The following STARD9 variants were observed in gnomAD, a reference collection of about 807,000 sequenced individuals.
The protein encoded by STARD9 is stAR-related lipid transfer protein 9.
A neutral mutation model predicts 399.8 loss-of-function variants in STARD9; 346 were observed. The observed-to-expected ratio is 0.87, with a 90% CI of 0.79 to 0.95. STARD9 has a LOEUF of 0.95. Among genes scored for constraint, STARD9 ranks in the 40% least tolerant of loss-of-function variants. The pLI is 0.00. For missense variants in STARD9, 5,832 were observed against 5,667.5 expected, an observed-to-expected ratio of 1.03 and a Z score of -0.93; for synonymous variants, 2,203 against 2,143.5, an observed-to-expected ratio of 1.03 and a Z score of -0.77.
Position 42,686,347 on chromosome 15 carries a change from A to G in STARD9, c.4769A>G (p.Tyr1590Cys). 6.5e-7 allele frequency: 1 copy of G among 1,537,528 alleles called. No homozygotes were observed. The highest frequency in any genetic ancestry group is 8.7e-7 in the Non-Finnish European group (1 of 1,146,972). ...AAAGAGGCGAGTTATGACGAAACTTATTCGGCAGACTTAGAATCATTGTCT... is the reference window on the plus strand; with the variant it reads ...AAAGAGGCGAGTTATGACGAAACTTGTTCGGCAGACTTAGAATCATTGTCT... ...SEKEASYDET[Y>C]SADLESLSAS... The change falls in exon 23 of 33, where the codon TAT (tyrosine) becomes TGT (cysteine). Residue 1590 changes from tyrosine to cysteine, a missense_variant. Tyr to Cys is a radical substitution (Grantham distance 194). Around this residue, in one of 2 missense-constraint regions of STARD9, gnomAD observed 5,828 missense variants for 5,651.1 expected, o/e 1.03. Transcript: ENST00000290607.
At chr15:42,652,727 G>C in intron 9 of STARD9, 135 bp downstream of exon 9, 1 of 755,050 alleles carries the variant, frequency 1.3e-6, no homozygotes, top group Admixed American at 2.2e-5. Context: ...CCAGACTGGA[G>C]TGCAGTGGCG....
At chr15:42,632,332 G>C (rs1427530023) in intron 3 of STARD9, among the ~76,000 whole-genome samples, 2 of 151,978 alleles carry the variant, frequency 1.3e-5, no homozygotes, top group African/African-American at 4.8e-5. Flanking sequence ...GTCTTTATAG[G>C]TGAAATGTGT....
At chr15:42,647,503 C>T (rs2059668208) in intron 7 of STARD9, among the ~76,000 whole-genome samples, 1 of 152,128 alleles carries the variant, frequency 6.6e-6, no homozygotes, top group South Asian at 2.1e-4. Flanking sequence ...TTCTTTATCT[C>T]TAATAATGCT....
intron 9 of STARD9, among the ~76,000 whole-genome samples, chr15:42,658,344 T>C (rs1226934191): frequency 6.6e-6 from 1 of 150,982 alleles, no homozygotes; most frequent in African/African-American, 2.4e-5. Context: ...AAAATAACTT[T>C]TGTATTTTTT....
chr15:42,670,757 C>T (rs942620745), intron 16 of STARD9: 2 of 152,130 alleles, frequency 1.3e-5, no homozygotes, highest in Admixed American at 6.5e-5. Context: ...GCTGCTCAGA[C>T]AGAAAATTTA....
Position 42,689,472 on chromosome 15 carries a change from C to T in STARD9, c.7894C>T (p.Pro2632Ser), listed in dbSNP as rs757317531. Residue 2632 changes from proline (P) to serine (S), a missense_variant, in exon 23 of 33, where the codon CCT becomes TCT. Physicochemically the swap from Pro to Ser is moderately conservative, Grantham distance 74. This residue lies in a region of STARD9 where 5,828 missense variants were observed against 5,651.1 expected (regional missense o/e 1.03). Transcript: ENST00000290607. ...TGAAGCAGGGCAGATAGATCTGTTA[C>T]CTGATGAGAGGAAAGTCCAGGCCAC... ...SAEAGQIDLLPDERKVQATSL... is the reference protein window; with the variant it reads ...SAEAGQIDLLSDERKVQATSL... 60 of 1,537,130 alleles carry T rather than the reference C, an allele frequency of 3.9e-5. No homozygotes were observed. Among genetic ancestry groups the T allele is most frequent in the Non-Finnish European group, 5.0e-5 (57 of 1,146,922 alleles).
At chr15:42,626,867 G>T (rs182287151) in intron 3 of STARD9, among the ~76,000 whole-genome samples, 1 of 150,328 alleles carries the variant, frequency 6.7e-6, no homozygotes, top group Non-Finnish European at 1.5e-5. Context: ...TTTTTTTCAA[G>T]ACAGCGTCTC....
intron 1 of STARD9, among the ~76,000 whole-genome samples, chr15:42,581,922 A>T (rs1009333223): frequency 6.6e-6 from 1 of 152,182 alleles, no homozygotes; most frequent in African/African-American, 2.4e-5. Flanking sequence ...AGACTGAGGC[A>T]GGAGAATCGC....
chr15:42,693,026 A>G lies in STARD9; in HGVS notation c.11448A>G (p.Ser3816=), dbSNP rs150784222. The G allele has an allele frequency of 6.5e-6, 10 of 1,537,038 alleles. No individual in the cohort carries two copies. Among genetic ancestry groups the G allele is most frequent in the Non-Finnish European group, 8.7e-6 (10 of 1,146,844 alleles). Residue 3816 remains serine (S), a synonymous_variant, in exon 23 of 33, where the codon TCA becomes TCG. Transcript: ENST00000290607. ...PYKPQSPSIP[S]SHLRFQKAPV... ...AGCCCCAGAGCCCTTCAATACCCTC[A>G]TCCCACTTGAGGTTTCAGAAAGCCC...
chr15:42,652,652 T>TCTTGTCTTC (rs1326576013), intron 9 of STARD9, 60 bp downstream of exon 9: 47 of 1,383,566 alleles, frequency 3.4e-5, no homozygotes, highest in Non-Finnish European at 4.6e-5. Flanking sequence ...TAAACCACTT[T>TCTTGTCTTC]CTTGTCTTCC....
intron 15 of STARD9, among the ~76,000 whole-genome samples, chr15:42,668,521 C>T (rs1244570807): frequency 1.3e-5 from 2 of 152,112 alleles, no homozygotes; most frequent in Admixed American, 6.5e-5. Context: ...CTTAAGGCCT[C>T]TAAGGCTGGG....
In STARD9 at chr15:42,689,547, A is replaced by C. The variant is rs995194081; in HGVS notation, c.7969A>C (p.Arg2657=). 2 of 1,537,176 alleles carry C rather than the reference A, an allele frequency of 1.3e-6. No homozygotes were observed. Among genetic ancestry groups the C allele is most frequent in the Non-Finnish European group, 8.7e-7 (1 of 1,146,908 alleles). The part of the protein sequence containing the change: ...FESLPNTETD[R]EPWDPVQAFS... ...ATCTCTGCCCAATACGGAAACTGAC[A>C]GAGAGCCATGGGATCCTGTGCAGGC... The change falls in exon 23 of 33, where the codon AGA becomes CGA. Residue 2657 remains arginine (R), a synonymous_variant. Coordinates refer to ENST00000290607, the MANE Select transcript of STARD9 (RefSeq NM_020759.3).
chr15:42,594,932 A>G (rs1014496045), intron 3 of STARD9, among the ~76,000 whole-genome samples: 3 of 152,222 alleles, frequency 2.0e-5, no homozygotes, highest in Non-Finnish European at 2.9e-5. Flanking sequence ...GTGATTAGAT[A>G]CTGCTGCCAT....
At position 42,684,239 on chromosome 15, in the gene STARD9, A is replaced by C; in HGVS notation, c.2661A>C (p.Thr887=). The change falls in exon 23 of 33, where the codon ACA becomes ACC. Residue 887 remains threonine (T), a synonymous_variant. Transcript: ENST00000290607. ...LPQAASYPAR[T]GCLRKNGLHS... ...AGGCTGCTTCCTACCCTGCAAGGAC[A>C]GGGTGCCTCCGCAAGAACGGCCTGC... The C allele has an allele frequency of 6.5e-7, 1 of 1,537,288 alleles. No individual in the cohort carries two copies. The highest frequency in any genetic ancestry group is 8.7e-7 in the Non-Finnish European group (1 of 1,146,912).
chr15:42,713,342 C>A (rs1270036402), intron 26 of STARD9, among the ~76,000 whole-genome samples: 1 of 152,112 alleles, frequency 6.6e-6, no homozygotes, highest in Non-Finnish European at 1.5e-5. Context: ...AAAATAGATT[C>A]CTTAAGATAT....
rs1025782605 is a variant in STARD9 at position 42,575,608 on chromosome 15, A to AGGCGCGTGG, written c.-103_-95dup. The stretch of plus-strand genomic sequence containing the variant: ...CGCGTCCGCGCGGCGGCGTCCCCAG[A>AGGCGCGTGG]GGCGCGTGGGGCGGGCGGGGCTGGG... On this transcript the variant is annotated 5_prime_UTR_variant, in exon 1 of 33. Transcript: ENST00000290607. 66 of 1,257,644 alleles carry AGGCGCGTGG rather than the reference A, an allele frequency of 5.2e-5. No individual in the cohort carries two copies. Among genetic ancestry groups the AGGCGCGTGG allele is most frequent in the African/African-American group, 1.1e-4 (7 of 64,718 alleles). 77.9% of individuals were successfully genotyped at this position (1,257,644 alleles called of 1,614,324 possible).
At chr15:42,709,009 T>C (rs893772874) in intron 26 of STARD9, among the ~76,000 whole-genome samples, 2 of 152,216 alleles carry the variant, frequency 1.3e-5, no homozygotes, top group African/African-American at 4.8e-5. Context: ...GGTTACCGGA[T>C]ACCGACATGT....
At chr15:42,707,556 G>A (rs921980908) in intron 26 of STARD9, among the ~76,000 whole-genome samples, 4 of 147,368 alleles carry the variant, frequency 2.7e-5, no homozygotes, top group Admixed American at 7.0e-5. Flanking sequence ...TCCAGCCTCC[G>A]ACTCCTGGGC....
Position 42,686,671 on chromosome 15 carries a change from A to C in STARD9, c.5093A>C (p.Lys1698Thr). 1 of 1,537,732 alleles carries C rather than the reference A, an allele frequency of 6.5e-7. No homozygotes were observed. Reference protein sequence around the residue: ...PDSHYPLEEEKTDCQESSKEA... With the variant: ...PDSHYPLEEETTDCQESSKEA... ...AGCCACTACCCACTAGAGGAAGAGA[A>C]GACAGATTGCCAGGAGAGCTCTAAG... Residue 1698 changes from lysine to threonine, a missense_variant, in exon 23 of 33, where the codon AAG becomes ACG. Lys to Thr is a moderately conservative substitution (Grantham distance 78). Coordinates refer to ENST00000290607, the MANE Select transcript of STARD9 (RefSeq NM_020759.3).
Sources: allele counts gnomAD v4.1 joint callset (sites outside exome capture counted in the v4.1 genomes callset), GRCh38; gene constraint gnomAD v4.1.1; regional missense constraint gnomAD v4.1.1; transcripts MANE v1.5; gene names NCBI Gene and HGNC (gene_info 2026-07-23, HGNC 2026-07-21).